Variants in CADM2 observed in about 807,000 individuals in gnomAD.
The protein encoded by CADM2 is immunoglobulin superfamily member 4D.
CADM2 carries 12 observed loss-of-function variants against 49.8 expected under a neutral mutation model. That is an observed-to-expected ratio of 0.24 (90% CI 0.15 to 0.39). CADM2 has a LOEUF of 0.39. Ranked by LOEUF, CADM2 falls within the 10% of genes least tolerant of loss-of-function variation. CADM2 has a pLI of 1.00. For missense variants in CADM2, 378 were observed against 492.3 expected (o/e 0.77, Z 2.20); for synonymous variants, 214 against 175.4 (o/e 1.22, Z -1.74).
chr3:85,588,282 T>C (rs1559928444), intron 1 of CADM2, among the ~76,000 whole-genome samples: 1 of 152,030 alleles, frequency 6.6e-6, no homozygotes, highest in Admixed American at 6.6e-5. Flanking sequence ...ATTCTGATGT[T>C]TTAATTTTAG....
At chr3:85,868,010 A>G (rs2075787157) in intron 3 of CADM2, among the ~76,000 whole-genome samples, 1 of 152,100 alleles carries the variant, frequency 6.6e-6, no homozygotes, top group African/African-American at 2.4e-5. Context: ...GTACCTTATT[A>G]TTAAGGTACC....
chr3:85,354,886 G>T (rs1004349311), intron 1 of CADM2, among the ~76,000 whole-genome samples: 1 of 152,034 alleles, frequency 6.6e-6, no homozygotes, highest in Non-Finnish European at 1.5e-5. Context: ...TATTTACTGT[G>T]CTATAGGAGG....
intron 1 of CADM2, among the ~76,000 whole-genome samples, chr3:85,492,536 G>A (rs2039717384): frequency 6.6e-6 from 1 of 152,016 alleles, no homozygotes; most frequent in Non-Finnish European, 1.5e-5. Flanking sequence ...AGGTTGCAGC[G>A]AGCCAAGATC....
intron 1 of CADM2, among the ~76,000 whole-genome samples, chr3:85,329,116 GAGA>G (rs903131810): frequency 2.6e-5 from 4 of 152,042 alleles, no homozygotes; most frequent in African/African-American, 9.7e-5. Flanking sequence ...GAAACACAGG[GAGA>G]AGATGACCAT....
chr3:86,058,351 A>T (rs746710993), intron 8 of CADM2, among the ~76,000 whole-genome samples: 48 of 152,260 alleles, frequency 3.2e-4, no homozygotes, highest in Admixed American at 5.2e-4. Context: ...TTCCTCATAA[A>T]ACTAACATTT....
intron 1 of CADM2, among the ~76,000 whole-genome samples, chr3:85,265,856 C>T (rs933366906): frequency 6.6e-6 from 1 of 151,842 alleles, no homozygotes; most frequent in Non-Finnish European, 1.5e-5. Flanking sequence ...TGCTAAACTA[C>T]TTTCTTTGTA....
intron 1 of CADM2, among the ~76,000 whole-genome samples, chr3:85,091,203 T>A (rs1383026935): frequency 6.6e-6 from 1 of 151,982 alleles, no homozygotes; most frequent in Admixed American, 6.6e-5. Context: ...ATAGTAAAAA[T>A]TTCAATGACT....
chr3:85,834,756 G>A (rs549472723), intron 3 of CADM2, among the ~76,000 whole-genome samples: 9 of 149,910 alleles, frequency 6.0e-5, no homozygotes, highest in South Asian at 4.2e-4. Flanking sequence ...AAAAAAACAC[G>A]TTGGCCTTGG....
chr3:85,152,845 G>C (rs1207920993), intron 1 of CADM2, among the ~76,000 whole-genome samples: 14 of 151,704 alleles, frequency 9.2e-5, no homozygotes, highest in Admixed American at 9.2e-4. Flanking sequence ...GGTGCTTGTA[G>C]TGCCAGCTAC....
At chr3:85,158,082 A>G (rs1299198653) in intron 1 of CADM2, among the ~76,000 whole-genome samples, 7 of 152,262 alleles carry the variant, frequency 4.6e-5, no homozygotes, top group South Asian at 2.1e-4. Flanking sequence ...CAAAAAACAC[A>G]TGAAAAAATG....
intron 1 of CADM2, among the ~76,000 whole-genome samples, chr3:85,682,385 T>A (rs1444914037): frequency 6.6e-6 from 1 of 152,098 alleles, no homozygotes; most frequent in East Asian, 1.9e-4. Flanking sequence ...TAGGTAATTG[T>A]CTCACAGTTT....
intron 8 of CADM2, among the ~76,000 whole-genome samples, chr3:86,053,427 A>C (rs1296545994): frequency 6.6e-6 from 1 of 152,146 alleles, no homozygotes; most frequent in African/African-American, 2.4e-5. Context: ...GAGATGCGGA[A>C]GAAACCCAGT....
chr3:85,523,203 A>G (rs2061069570), intron 1 of CADM2, among the ~76,000 whole-genome samples: 1 of 152,122 alleles, frequency 6.6e-6, no homozygotes, highest in Non-Finnish European at 1.5e-5. Context: ...GGCAATAGAA[A>G]GCCTTCAATA....
chr3:85,898,956 T>TATATATATATATA lies in CADM2; in HGVS notation c.529+12629_529+12630insATATATATATATA, dbSNP rs58838667. ...TATTGTGTATATATATATATATATATTTTTTTTTTTTTTTTTTTTTTTTTT... is the reference window on the plus strand; with the variant it reads ...TATTGTGTATATATATATATATATATATATATATATATATTTTTTTTTTTTTTTTTTTTTTTTT... On this transcript the variant is annotated intron_variant, in intron 5 of 9. Coordinates refer to ENST00000383699, the MANE Select transcript of CADM2 (RefSeq NM_001167675.2). 1.7e-3 allele frequency among the ~76,000 whole-genome samples: 38 copies of TATATATATATATA among 21,800 alleles called. 1 individual carries two copies. Among genetic ancestry groups the TATATATATATATA allele is most frequent in the Admixed American group, 2.5e-3 (3 of 1,188 alleles). 14.3% of individuals were successfully genotyped at this position (21,800 alleles called of 152,430 possible). A position where few individuals can be genotyped will look rare whatever the true frequency, so the allele number is the denominator to read the frequency against.
intron 1 of CADM2, 37 bp downstream of exon 1, chr3:84,959,705 C>G: frequency 6.6e-7 from 1 of 1,520,248 alleles, no homozygotes; most frequent in Non-Finnish European, 8.8e-7. Context: ...ATCAACTTCT[C>G]GCCCATTCCC....
intron 8 of CADM2, chr3:86,027,864 A>C (rs1040981636): frequency 6.6e-6 from 1 of 152,092 alleles, no homozygotes; most frequent in East Asian, 1.9e-4. Flanking sequence ...TTAGAAATAT[A>C]CAAATAAATG....
chr3:85,449,080 A>AATAATAATAATAATAATAATAAT (rs1443044071), intron 1 of CADM2, among the ~76,000 whole-genome samples: 2 of 147,768 alleles, frequency 1.4e-5, no homozygotes, highest in South Asian at 4.2e-4. Context: ...TAATAATGAT[A>AATAATAATAATAATAATAATAAT]AAAATTATAT....
intron 1 of CADM2, among the ~76,000 whole-genome samples, chr3:85,388,761 G>C (rs1309761231): frequency 6.6e-6 from 1 of 151,614 alleles, no homozygotes; most frequent in Non-Finnish European, 1.5e-5. Flanking sequence ...AAACAAAATT[G>C]ACAACCTACC....
chr3:85,441,383 T>A (rs2037195096), intron 1 of CADM2, among the ~76,000 whole-genome samples: 1 of 152,044 alleles, frequency 6.6e-6, no homozygotes, highest in African/African-American at 2.4e-5. Flanking sequence ...ATAATATTTA[T>A]AATTTAATGT....
Sources: gnomAD v4.1 joint callset for allele counts (sites outside exome capture counted in the v4.1 genomes callset) on GRCh38, gnomAD v4.1.1 for gene constraint, MANE v1.5 for transcripts, NCBI Gene and HGNC (gene_info 2026-07-23, HGNC 2026-07-21) for gene names.